Variants in GPR158 observed in about 807,000 individuals in gnomAD.
GPR158 encodes the protein G protein-coupled receptor 158.
In GPR158, 30 loss-of-function variants were observed where a neutral mutation model predicts 78.2. The ratio of observed to expected loss-of-function variants is 0.38; its 90% CI spans 0.29 to 0.52. GPR158 has a LOEUF of 0.52. Among genes scored for constraint, GPR158 ranks in the 20% least tolerant of loss-of-function variants. The pLI is 0.83. For synonymous variants in GPR158, 581 were observed against 591.1 expected, an observed-to-expected ratio of 0.98 and a Z score of 0.25; for missense variants, 1,463 against 1,523.5, an observed-to-expected ratio of 0.96 and a Z score of 0.66.
At chr10:25,544,631 C>T (rs1280404401) in intron 5 of GPR158, among the ~76,000 whole-genome samples, 1 of 152,008 alleles carries the variant, frequency 6.6e-6, no homozygotes, top group African/African-American at 2.4e-5. Flanking sequence ...TCAATTTCTT[C>T]ACTGTTAGTC....
chr10:25,585,314 T>C (rs1281162523), intron 7 of GPR158, among the ~76,000 whole-genome samples: 1 of 152,226 alleles, frequency 6.6e-6, no homozygotes, highest in African/African-American at 2.4e-5. Context: ...AAATCTTATC[T>C]ACATTGTCCC....
At chr10:25,588,858 AT>A in intron 7 of GPR158, 148 bp from the exon 8 acceptor site, 1 of 449,042 alleles carries the variant, frequency 2.2e-6, no homozygotes, top group Non-Finnish European at 3.9e-6. Context: ...ATTTAAAAAT[AT>A]ATGGCATTTG....
chr10:25,185,435 C>G (rs181040221), intron 1 of GPR158, among the ~76,000 whole-genome samples: 17 of 152,300 alleles, frequency 1.1e-4, no homozygotes, highest in African/African-American at 3.4e-4. Context: ...GAACATCTGA[C>G]TAAATATGTA....
At chr10:25,290,758 C>G (rs1274899366) in intron 2 of GPR158, among the ~76,000 whole-genome samples, 2 of 151,900 alleles carry the variant, frequency 1.3e-5, no homozygotes, top group African/African-American at 4.8e-5. Flanking sequence ...CTTCTTTGAA[C>G]CTAAGTAGAA....
Position 25,600,149 on chromosome 10 carries a change from G to T in GPR158, c.*875G>T, listed in dbSNP as rs1405380848. ...TTGCACTTCTTGTTAGGACTCAGAA[G>T]CTTTATTAATATTGGAGATCAAGTG... On this transcript the variant is annotated 3_prime_UTR_variant, in exon 11 of 11. Transcript: ENST00000376351. 6.6e-6 allele frequency: 1 copy of T among 152,548 alleles called. No individual in the cohort carries two copies. The highest frequency in any genetic ancestry group is 2.4e-5 in the African/African-American group (1 of 41,440). 9.4% of individuals were successfully genotyped at this position (152,548 alleles called of 1,614,324 possible). A position where few individuals can be genotyped will look rare whatever the true frequency, so the allele number is the denominator to read the frequency against.
intron 3 of GPR158, among the ~76,000 whole-genome samples, chr10:25,411,778 AC>A (rs1588850413): frequency 1.3e-5 from 2 of 151,770 alleles, no homozygotes; most frequent in Non-Finnish European, 2.9e-5. Flanking sequence ...TACTAAAAAT[AC>A]AAAAAATTAG....
intron 1 of GPR158, among the ~76,000 whole-genome samples, chr10:25,214,346 A>G (rs1853177212): frequency 1.3e-5 from 2 of 152,208 alleles, no homozygotes; most frequent in Non-Finnish European, 2.9e-5. Flanking sequence ...TTCTATAACT[A>G]GAAAGTTTTT....
chr10:25,390,947 C>T (rs1156593321), intron 2 of GPR158, among the ~76,000 whole-genome samples: 1 of 152,186 alleles, frequency 6.6e-6, no homozygotes, highest in African/African-American at 2.4e-5. Context: ...CTGCTTTGTG[C>T]AGTCTTAGGA....
chr10:25,329,365 C>T (rs1374389813), intron 2 of GPR158, among the ~76,000 whole-genome samples: 6 of 150,748 alleles, frequency 4.0e-5, no homozygotes, highest in South Asian at 2.1e-4. Flanking sequence ...GCACGAACCC[C>T]GGGGGCGGAG....
At chr10:25,350,592 G>A (rs1247033888) in intron 2 of GPR158, among the ~76,000 whole-genome samples, 1 of 151,994 alleles carries the variant, frequency 6.6e-6, no homozygotes, top group Non-Finnish European at 1.5e-5. Context: ...AGTTGAGATG[G>A]TAAGCAAGAT....
At chr10:25,351,472 C>G (rs1171416074) in intron 2 of GPR158, among the ~76,000 whole-genome samples, 2 of 151,818 alleles carry the variant, frequency 1.3e-5, no homozygotes, top group African/African-American at 4.8e-5. Context: ...TATATGGTAA[C>G]ACATCAAAAC....
intron 4 of GPR158, among the ~76,000 whole-genome samples, chr10:25,426,017 G>T (rs538641974): frequency 6.6e-6 from 1 of 152,166 alleles, no homozygotes; most frequent in Non-Finnish European, 1.5e-5. Flanking sequence ...CTTTATCTGT[G>T]AAGGTATGGG....
At chr10:25,284,360 A>G (rs1854317705) in intron 2 of GPR158, among the ~76,000 whole-genome samples, 1 of 152,030 alleles carries the variant, frequency 6.6e-6, no homozygotes, top group Non-Finnish European at 1.5e-5. Flanking sequence ...CATTTTTACC[A>G]TTAATTATGT....
rs1301828574 is a variant in GPR158 at position 25,252,289 on chromosome 10, C to T, written c.1008+31132C>T. Among the ~76,000 whole-genome samples the T allele has an allele frequency of 1.3e-4, 20 of 151,598 alleles. No individual in the cohort carries two copies. In the South Asian group the frequency reaches 3.5e-3, roughly 27 times the overall value. On this transcript the variant is annotated intron_variant, in intron 2 of 10. Transcript: ENST00000376351. ...CTCCTGTAGCTCAGAGTAATTTGAT[C>T]GTCTGAAGCCTTCTTCTCTCAGCTC...
At chr10:25,315,157 T>G (rs541503066) in intron 2 of GPR158, among the ~76,000 whole-genome samples, 1 of 152,040 alleles carries the variant, frequency 6.6e-6, no homozygotes. Flanking sequence ...GCTTAATTGA[T>G]TACAGAGTTT....
chr10:25,581,227 G>A (rs773753325), intron 7 of GPR158, among the ~76,000 whole-genome samples: 7 of 151,714 alleles, frequency 4.6e-5, no homozygotes, highest in African/African-American at 1.5e-4. Context: ...CGCGCCCGGC[G>A]CTAATTTTTA....
At chr10:25,311,540 C>A (rs1404770983) in intron 2 of GPR158, among the ~76,000 whole-genome samples, 1 of 151,932 alleles carries the variant, frequency 6.6e-6, no homozygotes, top group Non-Finnish European at 1.5e-5. Context: ...TTACTGACTT[C>A]ATTACTTTAA....
At chr10:25,202,529 T>A (rs578236386) in intron 1 of GPR158, among the ~76,000 whole-genome samples, 1 of 152,300 alleles carries the variant, frequency 6.6e-6, no homozygotes, top group South Asian at 2.1e-4. Flanking sequence ...CTTGTGACAG[T>A]TTGCTCAGAA....
intron 2 of GPR158, among the ~76,000 whole-genome samples, chr10:25,351,980 T>A (rs183197870): frequency 6.6e-6 from 1 of 151,670 alleles, no homozygotes; most frequent in Non-Finnish European, 1.5e-5. Context: ...AGCTCCCACT[T>A]ATCAGTGAGT....
Sources: allele counts gnomAD v4.1 joint callset (sites outside exome capture counted in the v4.1 genomes callset), GRCh38; gene constraint gnomAD v4.1.1; transcripts MANE v1.5; gene names NCBI Gene and HGNC (gene_info 2026-07-23, HGNC 2026-07-21).